PRDM16: variants seen among roughly 807,000 people sequenced by gnomAD.
The protein encoded by PRDM16 is PR/SET domain 16, also known as histone-lysine N-methyltransferase PRDM16.
In PRDM16, 23 loss-of-function variants were observed where a neutral mutation model predicts 110.6. The ratio of observed to expected loss-of-function variants is 0.21; its 90% CI spans 0.15 to 0.29. PRDM16 has a LOEUF of 0.29. PRDM16 is among the 10% of genes least tolerant of loss of function. The probability of loss-of-function intolerance (pLI) is 1.00; values close to 1 mark genes in which losing one functional copy is unlikely to be tolerated. For synonymous variants in PRDM16, 799 were observed against 781.8 expected, an observed-to-expected ratio of 1.02 and a Z score of -0.37; for missense variants, 1,615 against 1,794.3, an observed-to-expected ratio of 0.90 and a Z score of 1.81.
In PRDM16 at chr1:3,081,074, C is replaced by G. The variant is rs1393855921; in HGVS notation, c.37+11778C>G. Among the ~76,000 whole-genome samples the G allele has an allele frequency of 1.3e-5, 2 of 152,198 alleles. No homozygotes were observed. The highest frequency in any genetic ancestry group is 1.3e-4 in the Admixed American group (2 of 15,286). ...AGATAGCGTAGCCACGAGGGGCTCT[C>G]TGGTTTCATGGCTGGGAATCTGAAC... is the stretch of plus-strand genomic sequence containing the variant. On this transcript the variant is annotated intron_variant, in intron 1 of 16. Transcript: ENST00000270722. This position sits in a 1 kb window ranked among gnomAD's most constrained non-coding sequence, Gnocchi z 4.6.
intron 3 of PRDM16, among the ~76,000 whole-genome samples, chr1:3,306,018 C>T (rs908997106): frequency 1.6e-4 from 24 of 152,256 alleles, no homozygotes; most frequent in African/African-American, 4.8e-4. Flanking sequence ...CACAGCACTC[C>T]ATCTCTGCTG....
chr1:3,238,801 G>A (rs1406393597), intron 2 of PRDM16, among the ~76,000 whole-genome samples: 2 of 152,256 alleles, frequency 1.3e-5, no homozygotes, highest in African/African-American at 2.4e-5. Context: ...CCACCCGGAG[G>A]CCTCTGTCCT....
intron 1 of PRDM16, among the ~76,000 whole-genome samples, chr1:3,158,915 G>T (rs543670111): frequency 6.6e-6 from 1 of 151,888 alleles, no homozygotes; most frequent in Non-Finnish European, 1.5e-5. Flanking sequence ...GCTGGAAGGC[G>T]CCTGCCACCA....
chr1:3,158,091 A>C (rs1569715195), intron 1 of PRDM16, among the ~76,000 whole-genome samples: 3 of 152,350 alleles, frequency 2.0e-5, no homozygotes, highest in Middle Eastern at 3.4e-3. Flanking sequence ...AGATAGACAC[A>C]CATAAATGAT....
intron 3 of PRDM16, among the ~76,000 whole-genome samples, chr1:3,247,470 G>T (rs920455391): frequency 6.6e-6 from 1 of 152,194 alleles, no homozygotes; most frequent in South Asian, 2.1e-4. Context: ...GTGGCGCGGG[G>T]CCTGGCTCCT....
chr1:3,426,379 G>C (rs1242549875), intron 14 of PRDM16, among the ~76,000 whole-genome samples, 154 bp downstream of exon 14: 1 of 151,874 alleles, frequency 6.6e-6, no homozygotes. Flanking sequence ...GAGGCCCCTG[G>C]GCTCTGGGAA....
At chr1:3,376,742 A>C (rs1642996680) in intron 3 of PRDM16, among the ~76,000 whole-genome samples, 9 of 144,456 alleles carry the variant, frequency 6.2e-5, no homozygotes, top group African/African-American at 1.0e-4. Flanking sequence ...CCCCACCCCA[A>C]CCCTCCCATC....
intron 1 of PRDM16, among the ~76,000 whole-genome samples, chr1:3,138,314 G>C (rs546726431): frequency 7.0e-4 from 107 of 152,348 alleles, no homozygotes; most frequent in Middle Eastern, 3.4e-3. Context: ...ACTGCTAAGA[G>C]AGCTGGAGGC....
Position 3,412,806 on chromosome 1 carries a change from C to G in PRDM16, c.2603+6C>G. The stretch of plus-strand genomic sequence containing the variant: ...TTCATGGACCCCATCTACAGGTATT[C>G]AGCACCCCAGCCTCACTGGCTCTCC... On this transcript the variant is annotated splice_donor_region_variant and intron_variant, in intron 9 of 16. Transcript: ENST00000270722. The G allele has an allele frequency of 6.9e-7, 1 of 1,448,384 alleles. No individual in the cohort carries two copies. The highest frequency in any genetic ancestry group is 9.1e-7 in the Non-Finnish European group (1 of 1,100,542). 89.7% of individuals were successfully genotyped at this position (1,448,384 alleles called of 1,614,324 possible).
chr1:3,095,936 C>G (rs142972842), intron 1 of PRDM16, among the ~76,000 whole-genome samples: 1,851 of 152,132 alleles, frequency 0.012, 36 homozygotes, highest in African/African-American at 0.042. Context: ...TGACAGGGGT[C>G]TGGGGCCAGT....
chr1:3,224,024 C>T (rs2100871057), intron 2 of PRDM16, among the ~76,000 whole-genome samples: 2 of 152,298 alleles, frequency 1.3e-5, no homozygotes, highest in South Asian at 4.1e-4. Flanking sequence ...TCAGGGATTT[C>T]TCTTCCAGGG....
intron 1 of PRDM16, among the ~76,000 whole-genome samples, chr1:3,135,621 T>C (rs565567083): frequency 6.6e-6 from 1 of 152,280 alleles, no homozygotes; most frequent in Admixed American, 6.5e-5. Context: ...CGAGCCCGCC[T>C]GACGCGACAT....
intron 1 of PRDM16, among the ~76,000 whole-genome samples, chr1:3,076,366 CG>C (rs1641900148): frequency 6.6e-6 from 1 of 152,070 alleles, no homozygotes; most frequent in Admixed American, 6.5e-5. Flanking sequence ...TCTGTTGGGG[CG>C]GGGAGATGAG....
intron 14 of PRDM16, 127 bp downstream of exon 14, chr1:3,426,352 G>T: frequency 1.4e-6 from 1 of 705,780 alleles, no homozygotes; most frequent in Non-Finnish European, 2.3e-6. Context: ...CGCAGTGGGG[G>T]CCTCACCACA....
chr1:3,116,486 C>G, intron 1 of PRDM16, among the ~76,000 whole-genome samples: 1 of 152,266 alleles, frequency 6.6e-6, no homozygotes, highest in African/African-American at 2.4e-5. Flanking sequence ...ACCCCATTCC[C>G]AAGCCGCAGG....
At chr1:3,261,730 C>G (rs1640168491) in intron 3 of PRDM16, among the ~76,000 whole-genome samples, 1 of 152,180 alleles carries the variant, frequency 6.6e-6, no homozygotes, top group African/African-American at 2.4e-5. Flanking sequence ...CCTCCTGTGT[C>G]AGGGCAGCCT....
At chr1:3,198,241 G>T (rs534388034) in intron 2 of PRDM16, among the ~76,000 whole-genome samples, 4 of 152,324 alleles carry the variant, frequency 2.6e-5, no homozygotes, top group Non-Finnish European at 4.4e-5. Flanking sequence ...AAGGGGCCAG[G>T]TCGGCGCAGG....
intron 3 of PRDM16, among the ~76,000 whole-genome samples, chr1:3,372,621 A>G (rs1194455810): frequency 1.3e-5 from 2 of 152,256 alleles, no homozygotes; most frequent in Non-Finnish European, 2.9e-5. Context: ...AACCAAAACA[A>G]AAGTATCTCA....
intron 1 of PRDM16, among the ~76,000 whole-genome samples, chr1:3,141,743 G>C (rs1643553986): frequency 6.6e-6 from 1 of 152,240 alleles, no homozygotes; most frequent in Non-Finnish European, 1.5e-5. Context: ...ATTTGAAGCA[G>C]AGAGGGAAAC....
Sources: allele counts gnomAD v4.1 joint callset (sites outside exome capture counted in the v4.1 genomes callset), GRCh38; gene constraint gnomAD v4.1.1; non-coding constraint Gnocchi (gnomAD v3.1); transcripts MANE v1.5; gene names NCBI Gene and HGNC (gene_info 2026-07-23, HGNC 2026-07-21).